MBNL1: variants seen among roughly 807,000 people sequenced by gnomAD.
The protein encoded by MBNL1 is muscleblind-like protein 1.
A neutral mutation model predicts 42.2 loss-of-function variants in MBNL1; 8 were observed. The ratio of observed to expected loss-of-function variants is 0.19; its 90% CI spans 0.11 to 0.34. MBNL1 has a LOEUF of 0.34. MBNL1 is among the 10% of genes least tolerant of loss of function. The pLI, the probability that MBNL1 is intolerant of heterozygous loss-of-function variation, is 1.00. For synonymous variants in MBNL1, 169 were observed against 173.9 expected (o/e 0.97, Z 0.22); for missense variants, 309 against 495.3 (o/e 0.62, Z 3.57).
chr3:152,345,454 G>A (rs75197083), intron 2 of MBNL1, among the ~76,000 whole-genome samples: 2,407 of 152,186 alleles, frequency 0.016, 30 homozygotes, highest in Middle Eastern at 0.068. Flanking sequence ...AGTGAGTAGT[G>A]TTTGGTAATC....
intron 1 of MBNL1, among the ~76,000 whole-genome samples, chr3:152,271,145 A>G (rs534821948): frequency 1.3e-5 from 2 of 152,270 alleles, no homozygotes; most frequent in South Asian, 4.1e-4. Context: ...ATATGGTTTG[A>G]GATATTATTG....
intron 2 of MBNL1, among the ~76,000 whole-genome samples, chr3:152,313,031 T>C (rs1315237349): frequency 6.6e-6 from 1 of 151,954 alleles, no homozygotes; most frequent in Non-Finnish European, 1.5e-5. Context: ...GAAAACTTTT[T>C]TTTTTTTTTG....
At chr3:152,420,308 T>C (rs914631995) in intron 3 of MBNL1, among the ~76,000 whole-genome samples, 1 of 152,208 alleles carries the variant, frequency 6.6e-6, no homozygotes, top group Non-Finnish European at 1.5e-5. Context: ...CTGACCCCTG[T>C]GCCTCCTGAC....
intron 2 of MBNL1, among the ~76,000 whole-genome samples, chr3:152,385,648 AAATC>A (rs2097381012): frequency 6.6e-6 from 1 of 152,110 alleles, no homozygotes; most frequent in African/African-American, 2.4e-5. Context: ...TATGCATAAT[AAATC>A]AAGACACATG....
intron 4 of MBNL1, among the ~76,000 whole-genome samples, chr3:152,442,718 T>G (rs1234798888): frequency 6.6e-6 from 1 of 152,220 alleles, no homozygotes; most frequent in Non-Finnish European, 1.5e-5. Context: ...CCCATTTTAT[T>G]GATGATGTCT....
chr3:152,460,716 T>C (rs557381655), intron 9 of MBNL1, among the ~76,000 whole-genome samples: 11 of 152,290 alleles, frequency 7.2e-5, no homozygotes, highest in South Asian at 6.2e-4. Context: ...ATTCAAGTTA[T>C]AACATGTGCT....
chr3:152,361,599 T>C (rs2095963695), intron 2 of MBNL1, among the ~76,000 whole-genome samples: 1 of 151,672 alleles, frequency 6.6e-6, no homozygotes, highest in Non-Finnish European at 1.5e-5. Flanking sequence ...TAGGCCCAGG[T>C]TATGAGGGAC....
chr3:152,378,504 G>C (rs939081040), intron 2 of MBNL1, among the ~76,000 whole-genome samples: 1 of 151,944 alleles, frequency 6.6e-6, no homozygotes, highest in Admixed American at 6.6e-5. Context: ...GTAGGTAATA[G>C]TATATTTCTA....
upstream of MBNL1, chr3:152,268,908 G>C (rs755423276): frequency 8.8e-6 from 4 of 455,656 alleles, no homozygotes; most frequent in African/African-American, 2.0e-5. Context: ...GGCGATAAGA[G>C]GCTGCACAGC....
chr3:152,385,834 C>T lies in MBNL1; in HGVS notation c.175-29107C>T, dbSNP rs962384018. Among the ~76,000 whole-genome samples the T allele has an allele frequency of 1.6e-4, 25 of 152,100 alleles. 1 individual carries two copies. In the East Asian group the frequency reaches 4.8e-3, roughly 29 times the overall value. ...ATAGCACTATGTCTAGAATTCTTGT[C>T]ATGGGCCGTGTTAGTAAAACAGTAA... On this transcript the variant is annotated intron_variant, in intron 2 of 9. Transcript: ENST00000324210.
chr3:152,248,223 T>C, intron 2 of MBNL1, among the ~76,000 whole-genome samples: 1 of 152,060 alleles, frequency 6.6e-6, no homozygotes, highest in Middle Eastern at 3.2e-3. Context: ...TATAGCTGAA[T>C]TGGAGGAGCA....
intron 1 of MBNL1, among the ~76,000 whole-genome samples, chr3:152,294,345 G>A (rs1290567774): frequency 6.9e-6 from 1 of 145,876 alleles, no homozygotes; most frequent in African/African-American, 2.6e-5. Flanking sequence ...GTGCAGTGGT[G>A]TGATCTCGGC....
chr3:152,350,268 C>A (rs2094807902), intron 2 of MBNL1, among the ~76,000 whole-genome samples: 1 of 152,076 alleles, frequency 6.6e-6, no homozygotes, highest in African/African-American at 2.4e-5. Context: ...AAAAAAATCA[C>A]TTTGGCTGTT....
intron 2 of MBNL1, among the ~76,000 whole-genome samples, chr3:152,400,869 T>C (rs2098186133): frequency 6.6e-6 from 1 of 152,178 alleles, no homozygotes; most frequent in African/African-American, 2.4e-5. Flanking sequence ...AAAACAGAGT[T>C]TAAAAAAACT....
In MBNL1 at chr3:152,328,223, A is replaced by G. The variant is rs2081699234; in HGVS notation, c.174+27856A>G. 2.6e-5 allele frequency among the ~76,000 whole-genome samples: 4 copies of G among 152,138 alleles called. No homozygotes were observed. In the South Asian group the frequency reaches 6.2e-4, roughly 24 times the overall value. On this transcript the variant is annotated intron_variant, in intron 2 of 9. Coordinates refer to ENST00000324210, the MANE Select transcript of MBNL1 (RefSeq NM_021038.5). ...TTCTAAAGGCTTGTGAACGTTTTAT[A>G]TTGATAGAAAATGTAAGTAAGACTA...
Position 152,445,447 on chromosome 3 carries a change from C to T in MBNL1, c.715C>T (p.Pro239Ser). Residue 239 changes from proline (P) to serine (S), a missense_variant, in exon 5 of 10, where the codon CCC becomes TCC. Transcript: ENST00000324210. Reference sequence around the variant, plus strand: ...TCGGGAAAAGTGCAAATACTTTCATCCCCCTGCACATTTGCAAGCCAAGAT... The same window carrying T: ...TCGGGAAAAGTGCAAATACTTTCATTCCCCTGCACATTTGCAAGCCAAGAT... ...CSREKCKYFH[P>S]PAHLQAKIKA... 1 of 1,614,106 alleles carries T rather than the reference C, an allele frequency of 6.2e-7. No individual in the cohort carries two copies. Among genetic ancestry groups the T allele is most frequent in the South Asian group, 1.1e-5 (1 of 91,084 alleles).
At chr3:152,332,768 A>G (rs1055465052) in intron 2 of MBNL1, among the ~76,000 whole-genome samples, 1 of 150,908 alleles carries the variant, frequency 6.6e-6, no homozygotes, top group Admixed American at 6.6e-5. Context: ...ACACTAGTTT[A>G]TATTAGGTTA....
chr3:152,398,379 C>T (rs2098078136), intron 2 of MBNL1, among the ~76,000 whole-genome samples: 1 of 151,756 alleles, frequency 6.6e-6, no homozygotes. Flanking sequence ...TGTTTAATAT[C>T]AGGAGAGGTT....
intron 1 of MBNL1, among the ~76,000 whole-genome samples, chr3:152,279,458 A>G (rs893130830): frequency 4.6e-5 from 7 of 152,154 alleles, no homozygotes; most frequent in Non-Finnish European, 1.0e-4. Context: ...TCACCCATAC[A>G]ACAACTGACA....
Sources: gnomAD v4.1 joint callset for allele counts (sites outside exome capture counted in the v4.1 genomes callset) on GRCh38, gnomAD v4.1.1 for gene constraint, MANE v1.5 for transcripts, NCBI Gene and HGNC (gene_info 2026-07-23, HGNC 2026-07-21) for gene names.